Variants in ADAMTSL3 observed in about 807,000 individuals in gnomAD.
ADAMTSL3 encodes ADAMTS like 3, also known as ADAMTS-like protein 3.
Under a neutral mutation model 201.7 loss-of-function variants are expected in ADAMTSL3, and 128 were observed. The ratio of observed to expected loss-of-function variants is 0.63; its 90% CI spans 0.55 to 0.73. The LOEUF is 0.73. ADAMTSL3 is among the 30% of genes least tolerant of loss of function. The pLI, the probability that ADAMTSL3 is intolerant of heterozygous loss-of-function variation, is 0.00. For synonymous variants in ADAMTSL3, 738 were observed against 748.4 expected (o/e 0.99, Z 0.23); for missense variants, 1,990 against 2,119.6 (o/e 0.94, Z 1.20).
chr15:83,942,802 G>T lies in ADAMTSL3; in HGVS notation c.2310+14G>T. ...GAATGGCAGCAGGTAGGGCAGACTG[G>T]CCACTCCAGGGCCCTCTGTGATTAT... On this transcript the variant is annotated intron_variant, in intron 18 of 29. Coordinates refer to ENST00000286744, the MANE Select transcript of ADAMTSL3 (RefSeq NM_207517.3). 6.2e-7 allele frequency: 1 copy of T among 1,611,504 alleles called. No individual in the cohort carries two copies. The highest frequency in any genetic ancestry group is 8.5e-7 in the Non-Finnish European group (1 of 1,178,698).
chr15:83,669,752 G>A (rs1049228163), intron 2 of ADAMTSL3, among the ~76,000 whole-genome samples: 29 of 151,870 alleles, frequency 1.9e-4, no homozygotes, highest in Admixed American at 6.6e-5. Context: ...ACAGGTGTGA[G>A]CCACCGCGCC....
At chr15:83,792,899 CA>C (rs1188375632) in intron 4 of ADAMTSL3, among the ~76,000 whole-genome samples, 1 of 152,004 alleles carries the variant, frequency 6.6e-6, no homozygotes, top group African/African-American at 2.4e-5. Flanking sequence ...ATGTTTGTTG[CA>C]GTGTTTTCAA....
intron 2 of ADAMTSL3, among the ~76,000 whole-genome samples, chr15:83,672,500 G>C (rs1000734944): frequency 2.6e-5 from 4 of 152,354 alleles, no homozygotes; most frequent in African/African-American, 9.6e-5. Flanking sequence ...TGGGTGTGCA[G>C]ATTGTAGATC....
chr15:83,827,350 C>T lies in ADAMTSL3; in HGVS notation c.600+7303C>T, dbSNP rs553403587. 1.4e-4 allele frequency among the ~76,000 whole-genome samples: 21 copies of T among 152,018 alleles called. No homozygotes were observed. The South Asian group carries it at 2.9e-3, about 21-fold the overall frequency. On this transcript the variant is annotated intron_variant, in intron 6 of 29. Coordinates refer to ENST00000286744, the MANE Select transcript of ADAMTSL3 (RefSeq NM_207517.3). ...TTTATATCCTTTGCCCACTTTTTGA[C>T]TGGGTTGTTTGTTTTTTTCTTGTAA...
intron 7 of ADAMTSL3, among the ~76,000 whole-genome samples, chr15:83,849,667 G>C (rs1361546509): frequency 6.6e-6 from 1 of 152,128 alleles, no homozygotes; most frequent in Non-Finnish European, 1.5e-5. Flanking sequence ...CAGGCCAAGG[G>C]GGTCCTTTAC....
intron 22 of ADAMTSL3, among the ~76,000 whole-genome samples, chr15:83,989,457 A>T (rs1280259456): frequency 6.6e-6 from 1 of 152,236 alleles, no homozygotes; most frequent in Admixed American, 6.5e-5. Flanking sequence ...GGCAGTGTTG[A>T]TATTAATGAA....
intron 5 of ADAMTSL3, among the ~76,000 whole-genome samples, chr15:83,819,281 A>AC (rs796506622): frequency 1.3e-3 from 203 of 150,556 alleles, no homozygotes; most frequent in Non-Finnish European, 2.2e-3. Flanking sequence ...AAAAAAAAAA[A>AC]ACAATGACAA....
In ADAMTSL3 at chr15:83,866,953, T is replaced by C. The variant is rs547990656; in HGVS notation, c.803-3849T>C. ...TTTCCCTTTCTGAACAATCTCACAA[T>C]TGGCAGTAGAAGTATTTCTGAAAGT... On this transcript the variant is annotated intron_variant, in intron 8 of 29. Coordinates refer to ENST00000286744, the MANE Select transcript of ADAMTSL3 (RefSeq NM_207517.3). Among the ~76,000 whole-genome samples, 3 of 152,324 alleles carry C rather than the reference T, an allele frequency of 2.0e-5. No homozygotes were observed. The South Asian group carries it at 6.2e-4, about 32-fold the overall frequency.
intron 2 of ADAMTSL3, among the ~76,000 whole-genome samples, chr15:83,704,132 G>A (rs187897692): frequency 1.7e-4 from 26 of 152,300 alleles, no homozygotes; most frequent in African/African-American, 6.0e-4. Context: ...GTAGCGGGGA[G>A]GGGGAGAGAG....
chr15:83,773,432 A>C, intron 3 of ADAMTSL3, 91 bp from the exon 4 acceptor site: 1 of 1,425,806 alleles, frequency 7.0e-7, no homozygotes, highest in Non-Finnish European at 9.6e-7. Flanking sequence ...TGACTCTGGA[A>C]TAACTGGGGA....
intron 16 of ADAMTSL3, among the ~76,000 whole-genome samples, chr15:83,918,892 G>A (rs919603870): frequency 6.6e-6 from 1 of 152,200 alleles, no homozygotes; most frequent in Non-Finnish European, 1.5e-5. Context: ...CCAGACAAGA[G>A]CTTAGACCGG....
At chr15:83,691,530 G>A (rs1828040238) in intron 2 of ADAMTSL3, among the ~76,000 whole-genome samples, 1 of 152,210 alleles carries the variant, frequency 6.6e-6, no homozygotes, top group Non-Finnish European at 1.5e-5. Flanking sequence ...CTCCAAGTTT[G>A]TCTAGTTTGT....
At chr15:83,955,568 G>A (rs2066844882) in intron 19 of ADAMTSL3, among the ~76,000 whole-genome samples, 1 of 152,004 alleles carries the variant, frequency 6.6e-6, no homozygotes, top group Admixed American at 6.6e-5. Flanking sequence ...AAGGCCCATG[G>A]CATACTACCT....
At chr15:83,773,749 T>C in intron 4 of ADAMTSL3, 99 bp downstream of exon 4, 1 of 1,403,792 alleles carries the variant, frequency 7.1e-7, no homozygotes, top group South Asian at 1.5e-5. Context: ...GAATGTACTG[T>C]GATGATGGTG....
At chr15:83,983,770 G>A (rs952139150) in intron 21 of ADAMTSL3, among the ~76,000 whole-genome samples, 2 of 152,164 alleles carry the variant, frequency 1.3e-5, no homozygotes, top group African/African-American at 4.8e-5. Flanking sequence ...GCTCACATCA[G>A]CCCCATGAGA....
At chr15:83,931,553 C>T (rs143841577) in intron 17 of ADAMTSL3, among the ~76,000 whole-genome samples, 3 of 152,282 alleles carry the variant, frequency 2.0e-5, no homozygotes, top group East Asian at 1.9e-4. Flanking sequence ...CTTTCGGTGA[C>T]TTCACTCACA....
At chr15:83,988,387 G>A (rs946864682) in intron 21 of ADAMTSL3, among the ~76,000 whole-genome samples, 3 of 152,198 alleles carry the variant, frequency 2.0e-5, no homozygotes, top group African/African-American at 7.2e-5. Flanking sequence ...TTTTTAAAAT[G>A]TGGCAGATTA....
At chr15:83,802,260 A>G (rs1191522532) in intron 4 of ADAMTSL3, among the ~76,000 whole-genome samples, 1 of 152,172 alleles carries the variant, frequency 6.6e-6, no homozygotes, top group Non-Finnish European at 1.5e-5. Flanking sequence ...ACTTCTAAAT[A>G]TGTATTGTAA....
intron 2 of ADAMTSL3, among the ~76,000 whole-genome samples, chr15:83,691,924 A>G (rs548518581): frequency 6.6e-6 from 1 of 152,306 alleles, no homozygotes; most frequent in African/African-American, 2.4e-5. Flanking sequence ...TCCAAGTGAC[A>G]TTTTAATGTC....
Sources: allele counts gnomAD v4.1 joint callset (sites outside exome capture counted in the v4.1 genomes callset), GRCh38; gene constraint gnomAD v4.1.1; transcripts MANE v1.5; gene names NCBI Gene and HGNC (gene_info 2026-07-23, HGNC 2026-07-21).